TMEM117: variants seen among roughly 807,000 people sequenced by gnomAD.
TMEM117 encodes transmembrane protein 117.
In TMEM117, 27 loss-of-function variants were observed where a neutral mutation model predicts 52.4. The ratio of observed to expected loss-of-function variants is 0.51; its 90% CI spans 0.38 to 0.71. TMEM117 has a LOEUF of 0.71. TMEM117 is among the 30% of genes least tolerant of loss of function. TMEM117 has a pLI of 0.00. For synonymous variants in TMEM117, 215 were observed against 206.3 expected (o/e 1.04, Z -0.36); for missense variants, 556 against 630.5 (o/e 0.88, Z 1.26).
intron 6 of TMEM117, among the ~76,000 whole-genome samples, chr12:44,349,318 A>G (rs774838056): frequency 2.6e-5 from 4 of 152,044 alleles, no homozygotes; most frequent in Non-Finnish European, 5.9e-5. Flanking sequence ...CTATTGTTTA[A>G]ACAAACAATA....
chr12:43,808,146 T>C, the TMEM117 span, among the ~76,000 whole-genome samples: 2 of 152,234 alleles, frequency 1.3e-5, no homozygotes, highest in African/African-American at 4.8e-5. Context: ...AGAGGGTTTA[T>C]TATAAGGATA....
intron 3 of TMEM117, among the ~76,000 whole-genome samples, chr12:44,094,466 G>C (rs946501063): frequency 1.3e-5 from 2 of 152,008 alleles, no homozygotes; most frequent in Admixed American, 6.6e-5. Context: ...ATTTTGGCTG[G>C]CTTTCTGATT....
chr12:44,130,868 C>T (rs892087281), intron 3 of TMEM117, among the ~76,000 whole-genome samples: 1 of 151,942 alleles, frequency 6.6e-6, no homozygotes, highest in Non-Finnish European at 1.5e-5. Flanking sequence ...TATAGCAATG[C>T]CCCTATTTCA....
chr12:44,345,546 A>C (rs1465046405), intron 6 of TMEM117, among the ~76,000 whole-genome samples: 1 of 152,136 alleles, frequency 6.6e-6, no homozygotes, highest in Non-Finnish European at 1.5e-5. Context: ...AATATGTAAA[A>C]TGTGGAGCAC....
intron 4 of TMEM117, among the ~76,000 whole-genome samples, chr12:44,178,625 A>C (rs2138304849): frequency 6.6e-6 from 1 of 152,314 alleles, no homozygotes; most frequent in African/African-American, 2.4e-5. Flanking sequence ...ATTGTAGTTA[A>C]GAGTTTGGGT....
intron 4 of TMEM117, among the ~76,000 whole-genome samples, chr12:44,181,749 T>G (rs1412864808): frequency 5.3e-5 from 8 of 150,672 alleles, no homozygotes; most frequent in Non-Finnish European, 1.2e-4. Context: ...CTGTTTTGGT[T>G]ACTGTAGCCT....
In TMEM117 at chr12:44,389,577, T is replaced by C. The variant is rs575764741; in HGVS notation, c.*905T>C. On this transcript the variant is annotated 3_prime_UTR_variant, in exon 8 of 8. Coordinates refer to ENST00000266534, the MANE Select transcript of TMEM117 (RefSeq NM_032256.3). ...CAAATATGGCTCTGGATAGTGAAAA[T>C]TGAAAAACATATGCCAACCCTGAGC... 7 of 152,592 alleles carry C rather than the reference T, an allele frequency of 4.6e-5. No individual in the cohort carries two copies. Among genetic ancestry groups the C allele is most frequent in the African/African-American group, 1.2e-4 (5 of 41,538 alleles). The allele number at this position is 152,592 out of a possible 1,614,324, so 9.5% of individuals were successfully genotyped here.
At chr12:44,394,227 C>T (rs1029358279), downstream of TMEM117, among the ~76,000 whole-genome samples, 14 of 152,126 alleles carry the variant, frequency 9.2e-5, no homozygotes, top group African/African-American at 3.1e-4. Context: ...CTATTCTCAT[C>T]CCTGGAATGG....
At chr12:44,384,399 T>C (rs1013669837) in intron 7 of TMEM117, among the ~76,000 whole-genome samples, 16 of 152,076 alleles carry the variant, frequency 1.1e-4, no homozygotes, top group African/African-American at 3.4e-4. Context: ...GCTCACTGCA[T>C]CCCTTCCCCT....
At chr12:43,838,948 T>G (rs986716706) in intron 1 of TMEM117, among the ~76,000 whole-genome samples, 1 of 152,166 alleles carries the variant, frequency 6.6e-6, no homozygotes, top group Non-Finnish European at 1.5e-5. Flanking sequence ...ACAAGTTTGC[T>G]GTCTATATCT....
chr12:43,914,248 T>C (rs1472681717), intron 2 of TMEM117, among the ~76,000 whole-genome samples: 1 of 152,102 alleles, frequency 6.6e-6, no homozygotes, highest in Non-Finnish European at 1.5e-5. Flanking sequence ...CTTGAGTTAC[T>C]AAACTTTCTC....
intron 5 of TMEM117, among the ~76,000 whole-genome samples, chr12:44,293,242 T>G (rs76219427): frequency 0.028 from 4,289 of 152,172 alleles, 99 homozygotes; most frequent in African/African-American, 0.055. Context: ...TATCCACCCC[T>G]GCTGTCTTTT....
intron 6 of TMEM117, among the ~76,000 whole-genome samples, chr12:44,312,226 A>G (rs1950999797): frequency 6.6e-6 from 1 of 151,920 alleles, no homozygotes. Context: ...CATAGTACCC[A>G]ATAAGTAGAT....
chr12:43,826,270 T>C, the TMEM117 span, among the ~76,000 whole-genome samples: 1 of 152,216 alleles, frequency 6.6e-6, no homozygotes, highest in African/African-American at 2.4e-5. Flanking sequence ...AAGAGCTTTA[T>C]TTATTGAGGT....
chr12:44,210,459 CTTAA>C (rs1273973453), intron 4 of TMEM117, among the ~76,000 whole-genome samples: 4 of 152,042 alleles, frequency 2.6e-5, no homozygotes, highest in Non-Finnish European at 4.4e-5. Context: ...GCATTTATAT[CTTAA>C]TTTATTTTAT....
intron 2 of TMEM117, among the ~76,000 whole-genome samples, chr12:43,897,977 G>A (rs1024946946): frequency 1.3e-5 from 2 of 151,618 alleles, no homozygotes; most frequent in Admixed American, 1.3e-4. Context: ...CCATGGCGTC[G>A]GCTGTCAAGG....
chr12:44,276,050 A>C (rs1352347494), intron 5 of TMEM117, among the ~76,000 whole-genome samples: 1 of 152,206 alleles, frequency 6.6e-6, no homozygotes, highest in Non-Finnish European at 1.5e-5. Flanking sequence ...AAAACATCTT[A>C]TGTATCCCAT....
At chr12:44,208,769 T>A (rs1949607607) in intron 4 of TMEM117, among the ~76,000 whole-genome samples, 1 of 143,322 alleles carries the variant, frequency 7.0e-6, no homozygotes, top group Non-Finnish European at 1.5e-5. Flanking sequence ...ACCATTTTCC[T>A]GAGAAAATGC....
At chr12:43,954,894 G>A (rs1220233469) in intron 3 of TMEM117, among the ~76,000 whole-genome samples, 1 of 152,132 alleles carries the variant, frequency 6.6e-6, no homozygotes, top group Non-Finnish European at 1.5e-5. Flanking sequence ...TAAAATATTG[G>A]CAGCAGACTG....
Sources: gnomAD v4.1 joint callset for allele counts (sites outside exome capture counted in the v4.1 genomes callset) on GRCh38, gnomAD v4.1.1 for gene constraint, MANE v1.5 for transcripts, NCBI Gene and HGNC (gene_info 2026-07-23, HGNC 2026-07-21) for gene names.